The following DMD variants were observed in gnomAD, a reference collection of about 807,000 sequenced individuals.
DMD encodes mutant dystrophin.
A neutral mutation model predicts 330.1 loss-of-function variants in DMD; 63 were observed. The observed-to-expected ratio is 0.19, with a 90% confidence interval of 0.16 to 0.24. DMD has a LOEUF of 0.24. Among genes scored for constraint, DMD ranks in the 10% least tolerant of loss-of-function variants. The pLI is 1.00. For synonymous variants in DMD, 1,223 were observed against 959.8 expected (o/e 1.27, Z -5.07); for missense variants, 3,344 against 2,684.1 (o/e 1.25, Z -5.43).
intron 43 of DMD, among the ~76,000 whole-genome samples, chrX:32,256,181 A>G (rs1457168544): frequency 9.0e-6 from 1 of 111,175 alleles, no homozygotes; most frequent in Admixed American, 9.6e-5. Context: ...GGGTGCATAT[A>G]TATTTAGAAT....
At position 32,969,263 on chromosome X, in the gene DMD, TAC is replaced by T. The variant is rs2092300267; in HGVS notation, c.93+50874_93+50875del. ...TGTATATAGCCACCACCCATATATG[TAC>T]ACACACACAGTTTATCAATTTTTGA... On this transcript the variant is annotated intron_variant, in intron 2 of 78. Coordinates refer to ENST00000357033, the MANE Select transcript of DMD (RefSeq NM_004006.3). 3.2e-5 allele frequency among the ~76,000 whole-genome samples: 3 copies of T among 92,384 alleles called. 1 individual carries two copies. The Admixed American group carries it at 3.3e-4, about 10-fold the overall frequency. The allele number at this position is 92,384 out of a possible 115,157, so 80.2% of individuals were successfully genotyped here.
intron 55 of DMD, among the ~76,000 whole-genome samples, chrX:31,569,573 G>A (rs74493945): frequency 7.9e-4 from 69 of 87,268 alleles, no homozygotes; most frequent in Non-Finnish European, 1.3e-3. Flanking sequence ...ATATATATGT[G>A]TATATATATA....
At chrX:31,458,936 G>A (rs1247429809) in intron 59 of DMD, among the ~76,000 whole-genome samples, 1 of 111,177 alleles carries the variant, frequency 9.0e-6, no homozygotes, top group African/African-American at 3.3e-5. Context: ...CACAGCATAA[G>A]CCAACGGAGT....
intron 34 of DMD, among the ~76,000 whole-genome samples, chrX:32,365,423 TATAA>T (rs931526733): frequency 1.8e-5 from 2 of 111,304 alleles, no homozygotes; most frequent in Non-Finnish European, 3.8e-5. Flanking sequence ...TATTTTTCAT[TATAA>T]ATATTTAATA....
chrX:32,716,850 G>A (rs753940121), intron 7 of DMD, among the ~76,000 whole-genome samples: 3 of 111,671 alleles, frequency 2.7e-5, no homozygotes, highest in Non-Finnish European at 5.6e-5. Context: ...TGGCAGCATT[G>A]TGCCCCTGCT....
At chrX:31,987,677 T>G (rs186629256) in intron 44 of DMD, among the ~76,000 whole-genome samples, 1 of 111,876 alleles carries the variant, frequency 8.9e-6, no homozygotes, top group East Asian at 2.8e-4. Flanking sequence ...ATTATCAAAA[T>G]ACAAAAGATA....
intron 42 of DMD, among the ~76,000 whole-genome samples, chrX:32,301,738 C>G (rs2097524493): frequency 9.0e-6 from 1 of 111,085 alleles, no homozygotes; most frequent in South Asian, 3.7e-4. Flanking sequence ...CTGATTAAAT[C>G]ATTCTTTGCT....
intron 74 of DMD, among the ~76,000 whole-genome samples, chrX:31,154,288 TTTTA>T (rs1251858124): frequency 9.1e-6 from 1 of 110,409 alleles, no homozygotes; most frequent in African/African-American, 3.3e-5. Context: ...AATGTTTTTT[TTTTA>T]TTTTTTTATT....
At chrX:31,683,394 G>C (rs1236905791) in intron 52 of DMD, among the ~76,000 whole-genome samples, 1 of 112,266 alleles carries the variant, frequency 8.9e-6, no homozygotes, top group Non-Finnish European at 1.9e-5. Flanking sequence ...AGAATGCAGA[G>C]TGAGCATGGA....
intron 44 of DMD, among the ~76,000 whole-genome samples, chrX:32,110,265 G>C (rs968364480): frequency 9.0e-6 from 1 of 111,341 alleles, no homozygotes; most frequent in African/African-American, 3.3e-5. Flanking sequence ...AATCTTCCTC[G>C]ATTTATCCTA....
At chrX:32,737,683 G>A (rs145473857) in intron 7 of DMD, among the ~76,000 whole-genome samples, 2,992 of 111,707 alleles carry the variant, frequency 0.027, 99 homozygotes, top group African/African-American at 0.093. Context: ...TAAATCAGTT[G>A]ATGCTGAACA....
intron 43 of DMD, among the ~76,000 whole-genome samples, chrX:32,226,798 T>C (rs6653864): frequency 0.047 from 5,257 of 110,733 alleles, 319 homozygotes; most frequent in African/African-American, 0.16. Flanking sequence ...TTTAGTATTA[T>C]CGATATTAAT....
rs778022972 is a variant in DMD, at chrX:31,348,592, T to C, written c.9127A>G (p.Arg3043Gly). 1 of 1,211,537 alleles carries C rather than the reference T, an allele frequency of 8.3e-7. No individual in the cohort carries two copies. ...DRVRQLHEAH[R>G]DFGPASQHFL... ...TGCTGAGATGCTGGACCAAAGTCCC[T>C]GTGGGCTTCATGCAGCTGCCTGACT... Residue 3043 changes from arginine to glycine, a missense_variant, in exon 61 of 79, where the codon AGG (arginine) becomes GGG (glycine). Arg to Gly is a moderately radical substitution (Grantham distance 125). Transcript: ENST00000357033.
intron 50 of DMD, among the ~76,000 whole-genome samples, chrX:31,801,589 CCCAA>C (rs759753203): frequency 1.6e-3 from 126 of 78,828 alleles, no homozygotes; most frequent in South Asian, 9.6e-3. Context: ...ATCCCCCCCC[CCCAA>C]CACACACACA....
intron 41 of DMD, among the ~76,000 whole-genome samples, chrX:32,321,283 TAGA>T (rs979645722): frequency 1.8e-5 from 2 of 110,713 alleles, no homozygotes; most frequent in African/African-American, 6.6e-5. Context: ...TGCTACAATT[TAGA>T]AGAATATATG....
At chrX:33,286,538 A>G (rs1232689815) in intron 1 of DMD, among the ~76,000 whole-genome samples, 1 of 112,408 alleles carries the variant, frequency 8.9e-6, no homozygotes, top group African/African-American at 3.2e-5. Flanking sequence ...TCTCGTCTTT[A>G]TAAGAGGCCA....
intron 16 of DMD, among the ~76,000 whole-genome samples, chrX:32,554,911 A>G (rs1404528634): frequency 5.2e-5 from 3 of 57,167 alleles, no homozygotes; most frequent in African/African-American, 2.1e-4. Context: ...GAAAGAAAGA[A>G]AGAAAGAAAG....
chrX:31,817,060 C>G (rs2092649608), intron 50 of DMD, among the ~76,000 whole-genome samples: 1 of 111,053 alleles, frequency 9.0e-6, no homozygotes, highest in African/African-American at 3.3e-5. Context: ...AGCTGTGTGG[C>G]CTTAATCTAG....
chrX:33,068,082 AGAATTCAAAACCCAGAATGG>A (rs2094692837), intron 1 of DMD, among the ~76,000 whole-genome samples: 1 of 112,172 alleles, frequency 8.9e-6, no homozygotes, highest in African/African-American at 3.2e-5. Flanking sequence ...ATTTCGAGAA[AGAATTCAAAACCCAGAATGG>A]GAATAACAAA....
Sources: allele counts gnomAD v4.1 joint callset (sites outside exome capture counted in the v4.1 genomes callset), GRCh38; gene constraint gnomAD v4.1.1; transcripts MANE v1.5; gene names NCBI Gene and HGNC (gene_info 2026-07-23, HGNC 2026-07-21).